The following CRB1 variants were observed in gnomAD, a reference collection of about 807,000 sequenced individuals.
CRB1 encodes crumbs cell polarity complex component 1, also known as protein crumbs homolog 1.
Under a neutral mutation model 120.0 loss-of-function variants are expected in CRB1, and 83 were observed. That is an observed-to-expected ratio of 0.69 (90% CI 0.58 to 0.83). CRB1 has a LOEUF of 0.83. Ranked by LOEUF, CRB1 falls within the 40% of genes least tolerant of loss-of-function variation. The pLI, the probability that CRB1 is intolerant of heterozygous loss-of-function variation, is 0.00. For synonymous variants in CRB1, 625 were observed against 612.5 expected, an observed-to-expected ratio of 1.02 and a Z score of -0.30; for missense variants, 1,699 against 1,687.6, an observed-to-expected ratio of 1.01 and a Z score of -0.12.
intron 1 of CRB1, among the ~76,000 whole-genome samples, chr1:197,323,668 C>T (rs1658330624): frequency 6.6e-6 from 1 of 152,148 alleles, no homozygotes; most frequent in Non-Finnish European, 1.5e-5. Context: ...ATGACCTTCA[C>T]AACTTGCATC....
At chr1:197,227,393 CTTTTTTTTTTTTTTTTT>C in the CRB1 span, among the ~76,000 whole-genome samples, 1 of 138,128 alleles carries the variant, frequency 7.2e-6, no homozygotes, top group East Asian at 2.1e-4. Context: ...TTTTCTTTTT[CTTTTTTTTTTTTTTTTT>C]GAGATGGAGT....
At chr1:197,360,227 G>A (rs1660702744) in intron 5 of CRB1, 3 of 152,214 alleles carry the variant, frequency 2.0e-5, no homozygotes, top group African/African-American at 4.8e-5. Flanking sequence ...ATCACCTTGT[G>A]TGGGAATATC....
At chr1:197,280,665 C>CA (rs1186837438) in intron 1 of CRB1, among the ~76,000 whole-genome samples, 3 of 151,792 alleles carry the variant, frequency 2.0e-5, no homozygotes, top group Admixed American at 2.0e-4. Flanking sequence ...CAGATTGTCA[C>CA]AAAAATATGT....
intron 1 of CRB1, among the ~76,000 whole-genome samples, chr1:197,297,043 G>T (rs949973581): frequency 8.6e-5 from 13 of 151,848 alleles, no homozygotes; most frequent in Non-Finnish European, 2.9e-5. Flanking sequence ...TTATTCTCTA[G>T]TCCTATTAGG....
chr1:197,274,756 T>C (rs892009077), intron 1 of CRB1, among the ~76,000 whole-genome samples: 10 of 152,194 alleles, frequency 6.6e-5, no homozygotes, highest in Non-Finnish European at 8.8e-5. Context: ...CTTTTGTGAC[T>C]TGATAGTTCA....
At position 197,467,250 on chromosome 1, in the gene CRB1, C is replaced by T. The variant is rs932362767; in HGVS notation, c.4006-10414C>T. On this transcript the variant is annotated intron_variant, in intron 11 of 11. Coordinates refer to ENST00000367400, the MANE Select transcript of CRB1 (RefSeq NM_201253.3). ...AATTGAAAAAAAGTTACAACTAATG[C>T]GTGTAACTCTTTAACCCAGATTACC... 5.3e-5 allele frequency among the ~76,000 whole-genome samples: 8 copies of T among 152,066 alleles called. No individual in the cohort carries two copies. In the East Asian group the frequency reaches 7.7e-4, roughly 15 times the overall value.
chr1:197,446,204 G>A lies in CRB1; in HGVS notation c.4005+3912G>A, dbSNP rs199850160. Among the ~76,000 whole-genome samples the A allele has an allele frequency of 7.1e-4, 98 of 137,760 alleles. 1 individual carries two copies. Among genetic ancestry groups the A allele is most frequent in the Non-Finnish European group, 2.1e-4 (13 of 62,808 alleles). The allele number at this position is 137,760 out of a possible 152,430, so 90.4% of individuals were successfully genotyped here. On this transcript the variant is annotated intron_variant, in intron 11 of 11. Coordinates refer to ENST00000367400, the MANE Select transcript of CRB1 (RefSeq NM_201253.3). ...GACTTTGTCTCAAAAAAAAAAAAATGTGATTAAACAAATAGTCTTAGGATG... is the reference window on the plus strand; with the variant it reads ...GACTTTGTCTCAAAAAAAAAAAAATATGATTAAACAAATAGTCTTAGGATG...
At chr1:197,336,480 G>A (rs755204726) in intron 2 of CRB1, among the ~76,000 whole-genome samples, 15 of 152,144 alleles carry the variant, frequency 9.9e-5, no homozygotes, top group South Asian at 4.1e-4. Flanking sequence ...TTTTATATGC[G>A]CTTAATTATG....
intron 5 of CRB1, chr1:197,357,239 G>A (rs1444651196): frequency 4.9e-6 from 3 of 607,214 alleles, no homozygotes; most frequent in Admixed American, 2.5e-5. Context: ...TGAAAGGGAT[G>A]ACATTTTTAT....
chr1:197,283,874 G>A (rs1276335381), intron 1 of CRB1, among the ~76,000 whole-genome samples: 1 of 151,432 alleles, frequency 6.6e-6, no homozygotes, highest in African/African-American at 2.4e-5. Flanking sequence ...AAGTCACAGA[G>A]CTACTAACAG....
chr1:197,381,348 A>C (rs997661450), intron 5 of CRB1, among the ~76,000 whole-genome samples: 4 of 152,236 alleles, frequency 2.6e-5, no homozygotes, highest in Admixed American at 1.3e-4. Flanking sequence ...AATTGGCATA[A>C]TCCTCACTTA....
At chr1:197,299,962 T>G (rs951053789) in intron 1 of CRB1, among the ~76,000 whole-genome samples, 3 of 151,940 alleles carry the variant, frequency 2.0e-5, no homozygotes, top group Non-Finnish European at 4.4e-5. Context: ...TTACATGTGT[T>G]AGGGTAATCT....
the CRB1 span, among the ~76,000 whole-genome samples, chr1:197,250,564 G>T: frequency 6.6e-6 from 1 of 151,946 alleles, no homozygotes; most frequent in Non-Finnish European, 1.5e-5. Context: ...TGGAGGGTTG[G>T]TTGATATACG....
At chr1:197,306,597 G>A (rs911143503) in intron 1 of CRB1, among the ~76,000 whole-genome samples, 2 of 152,188 alleles carry the variant, frequency 1.3e-5, no homozygotes, top group Non-Finnish European at 2.9e-5. Context: ...ATGTGGAGCA[G>A]TCAGGCTCTG....
chr1:197,344,933 G>A (rs1659683100), intron 3 of CRB1, among the ~76,000 whole-genome samples: 1 of 152,202 alleles, frequency 6.6e-6, no homozygotes, highest in South Asian at 2.1e-4. Flanking sequence ...TAATTTCCAT[G>A]TGTTCAGGGA....
upstream of CRB1, among the ~76,000 whole-genome samples, chr1:197,267,195 C>G (rs1400377529): frequency 6.6e-6 from 1 of 152,022 alleles, no homozygotes; most frequent in African/African-American, 2.4e-5. Flanking sequence ...CTTCTGTAAT[C>G]TGAAATTCTT....
At chr1:197,265,828 G>A (rs1015590829), upstream of CRB1, among the ~76,000 whole-genome samples, 1 of 151,962 alleles carries the variant, frequency 6.6e-6, no homozygotes, top group South Asian at 2.1e-4. Flanking sequence ...TGTGGACAAC[G>A]GCAATATCCT....
chr1:197,309,109 CAT>C (rs1253715660), intron 1 of CRB1, among the ~76,000 whole-genome samples: 6 of 151,708 alleles, frequency 4.0e-5, no homozygotes, highest in Admixed American at 2.0e-4. Flanking sequence ...CAATGACACA[CAT>C]ATATTTATAT....
intron 5 of CRB1, chr1:197,357,896 C>T (rs1202801306): frequency 1.3e-5 from 2 of 152,144 alleles, no homozygotes; most frequent in Admixed American, 6.5e-5. Flanking sequence ...TTTCCTTATT[C>T]ACTGACCTTT....
Sources: gnomAD v4.1 joint callset for allele counts (sites outside exome capture counted in the v4.1 genomes callset) on GRCh38, gnomAD v4.1.1 for gene constraint, MANE v1.5 for transcripts, NCBI Gene and HGNC (gene_info 2026-07-23, HGNC 2026-07-21) for gene names.